Variants in RAP2A observed in about 807,000 individuals in gnomAD.
RAP2A encodes the protein ras-related protein Rap-2a.
A neutral mutation model predicts 15.1 loss-of-function variants in RAP2A; 5 were observed. That is an observed-to-expected ratio of 0.33 (90% CI 0.17 to 0.70). RAP2A has a LOEUF of 0.70. Among genes scored for constraint, RAP2A ranks in the 30% least tolerant of loss-of-function variants. The pLI, the probability that RAP2A is intolerant of heterozygous loss-of-function variation, is 0.68. For missense variants in RAP2A, 111 were observed against 240.3 expected (o/e 0.46, Z 3.56); for synonymous variants, 110 against 99.7 (o/e 1.10, Z -0.62).
At chr13:97,435,226 G>GGA (rs1349368795) in intron 1 of RAP2A, among the ~76,000 whole-genome samples, 1 of 152,136 alleles carries the variant, frequency 6.6e-6, no homozygotes, top group Non-Finnish European at 1.5e-5. Context: ...TCCAGAGGAA[G>GGA]GAGACCTTTC....
At chr13:97,461,973 T>A (rs7987426) in intron 1 of RAP2A, among the ~76,000 whole-genome samples, 24,784 of 140,728 alleles carry the variant, frequency 0.18, 2,191 homozygotes, top group East Asian at 0.24. Flanking sequence ...AAAAAAAAAA[T>A]ATATATATAT....
intron 1 of RAP2A, among the ~76,000 whole-genome samples, chr13:97,462,037 T>G (rs1047435267): frequency 3.8e-5 from 5 of 133,278 alleles, no homozygotes; most frequent in Admixed American, 2.9e-4. Flanking sequence ...TATATTTATA[T>G]ATATTTATAT....
chr13:97,446,524 C>A (rs915784384), intron 1 of RAP2A, among the ~76,000 whole-genome samples: 1 of 152,142 alleles, frequency 6.6e-6, no homozygotes, highest in Non-Finnish European at 1.5e-5. Context: ...GGATCTGTTT[C>A]CTCTCCCTTT....
At chr13:97,460,333 G>A (rs569740714) in intron 1 of RAP2A, among the ~76,000 whole-genome samples, 115 of 152,328 alleles carry the variant, frequency 7.5e-4, no homozygotes, top group Non-Finnish European at 1.0e-3. Flanking sequence ...GATATGTGTT[G>A]ACTGTGGGTG....
intron 1 of RAP2A, among the ~76,000 whole-genome samples, chr13:97,438,843 G>A (rs2066644942): frequency 6.6e-6 from 1 of 152,076 alleles, no homozygotes; most frequent in South Asian, 2.1e-4. Context: ...TAGGAAACAA[G>A]AAAAAATGTT....
intron 1 of RAP2A, among the ~76,000 whole-genome samples, chr13:97,459,733 T>G (rs1402699570): frequency 1.3e-5 from 2 of 152,222 alleles, no homozygotes; most frequent in Non-Finnish European, 2.9e-5. Flanking sequence ...CTGTGGCACC[T>G]GTGCTCCCCA....
intron 1 of RAP2A, among the ~76,000 whole-genome samples, chr13:97,435,669 C>T (rs2066631059): frequency 6.6e-6 from 1 of 151,948 alleles, no homozygotes; most frequent in Admixed American, 6.6e-5. Context: ...TTTGTTTTCT[C>T]TTAAATTCAC....
At chr13:97,454,809 T>C (rs1368217234) in intron 1 of RAP2A, among the ~76,000 whole-genome samples, 1 of 151,492 alleles carries the variant, frequency 6.6e-6, no homozygotes, top group Non-Finnish European at 1.5e-5. Context: ...GATTTGCTAG[T>C]GATAAATTTT....
chr13:97,456,610 A>G (rs1254990094), intron 1 of RAP2A, among the ~76,000 whole-genome samples: 1 of 152,166 alleles, frequency 6.6e-6, no homozygotes, highest in Non-Finnish European at 1.5e-5. Flanking sequence ...AGCATTAGAA[A>G]TCTGTTCTGA....
At position 97,464,211 on chromosome 13, in the gene RAP2A, G is replaced by C. The variant is rs2066760099; in HGVS notation, c.321G>C (p.Glu107Asp). ...RDQIIRVKRY[E>D]KVPVILVGNK... is the part of the protein sequence containing the mutation. Reference sequence around the variant, plus strand: ...TTTGTTTATTCTCTCATAGGTATGAGAAAGTGCCAGTCATCTTGGTTGGGA... The same window carrying C: ...TTTGTTTATTCTCTCATAGGTATGACAAAGTGCCAGTCATCTTGGTTGGGA... Residue 107 changes from glutamate (E) to aspartate (D), a missense_variant, in exon 2 of 2, where the codon GAG (glutamate) becomes GAC (aspartate). Transcript: ENST00000245304. 5 of 1,614,136 alleles carry C rather than the reference G, an allele frequency of 3.1e-6. No homozygotes were observed. Among genetic ancestry groups the C allele is most frequent in the Non-Finnish European group, 4.2e-6 (5 of 1,179,988 alleles).
intron 1 of RAP2A, among the ~76,000 whole-genome samples, chr13:97,450,245 G>T (rs374027100): frequency 4.5e-4 from 69 of 152,246 alleles, no homozygotes; most frequent in Admixed American, 1.6e-3. Flanking sequence ...AAATGAAGAG[G>T]TGTTGAAAAG....
chr13:97,440,149 T>C (rs2066651241), intron 1 of RAP2A, among the ~76,000 whole-genome samples: 1 of 152,150 alleles, frequency 6.6e-6, no homozygotes, highest in African/African-American at 2.4e-5. Flanking sequence ...GCTACCGTTT[T>C]TCCCTCTAAA....
intron 1 of RAP2A, chr13:97,441,718 C>T: frequency 7.3e-6 from 3 of 413,770 alleles, no homozygotes; most frequent in African/African-American, 4.2e-5. Flanking sequence ...TTTTCTGTTT[C>T]TCTCCATCTA....
At chr13:97,439,689 AACCTACTGGGTAGAGT>A (rs2066648972) in intron 1 of RAP2A, among the ~76,000 whole-genome samples, 1 of 152,176 alleles carries the variant, frequency 6.6e-6, no homozygotes, top group Non-Finnish European at 1.5e-5. Context: ...GAGTAGATGA[AACCTACTGGGTAGAGT>A]ATAGAGACAG....
At chr13:97,437,562 T>C (rs2066639705) in intron 1 of RAP2A, 1 of 149,258 alleles carries the variant, frequency 6.7e-6, no homozygotes, top group Non-Finnish European at 1.5e-5. Context: ...AATAACTTTG[T>C]CATTTATCTT....
In RAP2A at chr13:97,467,231, T is replaced by C. The variant is rs1346101842; in HGVS notation, c.*2789T>C. On this transcript the variant is annotated 3_prime_UTR_variant, in exon 2 of 2. Transcript: ENST00000245304. The stretch of plus-strand genomic sequence containing the variant: ...ACTTTTGGGTTCTTTTAAACTGTGA[T>C]AGTGATGGTAACTGATGCCTTTCAT... The C allele has an allele frequency of 6.6e-5, 10 of 152,616 alleles. No homozygotes were observed. 9.5% of individuals were successfully genotyped at this position (152,616 alleles called of 1,614,324 possible).
At chr13:97,437,165 C>A (rs1248136051) in intron 1 of RAP2A, 1 of 152,054 alleles carries the variant, frequency 6.6e-6, no homozygotes, top group East Asian at 1.9e-4. Context: ...TTTTATTTAA[C>A]CCACCATATT....
chr13:97,443,727 T>A (rs147439154), intron 1 of RAP2A, among the ~76,000 whole-genome samples: 1 of 152,220 alleles, frequency 6.6e-6, no homozygotes. Context: ...CAATGAACAT[T>A]ATGAATACTG....
intron 1 of RAP2A, among the ~76,000 whole-genome samples, chr13:97,454,654 A>G (rs2066715603): frequency 6.6e-6 from 1 of 151,348 alleles, no homozygotes; most frequent in Admixed American, 6.6e-5. Context: ...ACGTTTATAC[A>G]TATTGTAAAG....
Sources: allele counts gnomAD v4.1 joint callset (sites outside exome capture counted in the v4.1 genomes callset), GRCh38; gene constraint gnomAD v4.1.1; transcripts MANE v1.5; gene names NCBI Gene and HGNC (gene_info 2026-07-23, HGNC 2026-07-21).